The following ZNF451 variants were observed in gnomAD, a reference collection of about 807,000 sequenced individuals.
ZNF451 encodes zinc finger protein 451.
ZNF451 carries 80 observed loss-of-function variants against 107.1 expected under a neutral mutation model. That is an observed-to-expected ratio of 0.75 (90% CI 0.62 to 0.90). ZNF451 has a LOEUF of 0.90. Ranked by LOEUF, ZNF451 falls within the 40% of genes least tolerant of loss-of-function variation. The pLI is 0.00. For missense variants in ZNF451, 1,107 were observed against 1,236.2 expected, an observed-to-expected ratio of 0.90 and a Z score of 1.57; for synonymous variants, 362 against 406.5, an observed-to-expected ratio of 0.89 and a Z score of 1.32.
chr6:57,105,357 G>A, intron 3 of ZNF451: 1 of 984,076 alleles, frequency 1.0e-6, no homozygotes, highest in Non-Finnish European at 1.2e-6. Context: ...TGTGTATAGA[G>A]AAGTACTGTT....
In ZNF451 at chr6:57,142,072, C is replaced by G. The variant is rs138156483; in HGVS notation, c.981C>G (p.His327Gln). 1.2e-6 allele frequency: 2 copies of G among 1,613,130 alleles called. No individual in the cohort carries two copies. The highest frequency in any genetic ancestry group is 1.7e-6 in the Non-Finnish European group (2 of 1,179,196). ...CCTGCCACAAGACACTGCGTTCCCA[C>G]ATGGAGCTCACTGCCCATTTCAGGT... ...CVACHKTLRS[H>Q]MELTAHFRVH... Residue 327 changes from histidine (H) to glutamine (Q), a missense_variant, in exon 9 of 15, where the codon CAC (histidine) becomes CAG (glutamine). Coordinates refer to ENST00000370706, the MANE Select transcript of ZNF451 (RefSeq NM_001031623.3).
At position 57,152,170 on chromosome 6, in the gene ZNF451, G is replaced by T. The variant is rs566234613; in HGVS notation, c.2753-51G>T. The stretch of plus-strand genomic sequence containing the variant: ...GTGTTTTTTCTTGATAAAATTTTTG[G>T]CCTTTCCTCTCCTGTTTGATTATCA... On this transcript the variant is annotated intron_variant, in intron 11 of 14. Coordinates refer to ENST00000370706, the MANE Select transcript of ZNF451 (RefSeq NM_001031623.3). The T allele has an allele frequency of 3.9e-6, 6 of 1,537,202 alleles. No homozygotes were observed. The African/African-American group carries it at 5.6e-5, about 14-fold the overall frequency.
At chr6:57,161,892 A>C (rs1002523089) in intron 14 of ZNF451, among the ~76,000 whole-genome samples, 8 of 152,174 alleles carry the variant, frequency 5.3e-5, no homozygotes, top group African/African-American at 1.9e-4. Flanking sequence ...TACTCTTCTT[A>C]AAGGAAAAGC....
rs908999278 is a variant in ZNF451, at chr6:57,169,989, A to T, written c.*1520A>T. 2 of 151,748 alleles carry T rather than the reference A, an allele frequency of 1.3e-5. No individual in the cohort carries two copies. Among genetic ancestry groups the T allele is most frequent in the Admixed American group, 1.3e-4 (2 of 15,242 alleles). 9.4% of individuals were successfully genotyped at this position (151,748 alleles called of 1,614,324 possible). A position where few individuals can be genotyped will look rare whatever the true frequency, so the allele number is the denominator to read the frequency against. On this transcript the variant is annotated 3_prime_UTR_variant, in exon 15 of 15. Coordinates refer to ENST00000370706, the MANE Select transcript of ZNF451 (RefSeq NM_001031623.3). ...AGGAGACAGCACCTTGTTGCCAGAG[A>T]TTCTACACAAAGGTGTGATGGACAC...
intron 3 of ZNF451, chr6:57,102,150 T>G (rs772300700): frequency 1.3e-5 from 19 of 1,450,706 alleles, no homozygotes; most frequent in Middle Eastern, 4.1e-4. Context: ...CTATTTTACT[T>G]GTTCCTCCTT....
intron 3 of ZNF451, chr6:57,108,765 A>G: frequency 1.0e-6 from 1 of 985,452 alleles, no homozygotes; most frequent in Non-Finnish European, 1.2e-6. Flanking sequence ...AGAAGAAAGA[A>G]TCTACATTTG....
In ZNF451 at chr6:57,148,374, G is replaced by T; in HGVS notation, c.2289G>T (p.Gln763His). 1 of 1,613,906 alleles carries T rather than the reference G, an allele frequency of 6.2e-7. No individual in the cohort carries two copies. ...GCAGTTTATGTTCGGCAACAGCACA[G>T]AATTTAACCGACATGAACACTCATA... ...FRCSLCSATA[Q>H]NLTDMNTHIH... Residue 763 changes from glutamine to histidine, a missense_variant, in exon 10 of 15, where the codon CAG (glutamine) becomes CAT (histidine). By Grantham distance (24) the Gln-to-His change is conservative. Coordinates refer to ENST00000370706, the MANE Select transcript of ZNF451 (RefSeq NM_001031623.3).
chr6:57,118,403 T>C (rs1190062757), intron 3 of ZNF451, among the ~76,000 whole-genome samples: 1 of 152,222 alleles, frequency 6.6e-6, no homozygotes, highest in African/African-American at 2.4e-5. Flanking sequence ...CATCTTTAAA[T>C]TAAAGTTTAT....
At chr6:57,124,547 GAAAACC>G in intron 3 of ZNF451, 181 bp from the exon 4 acceptor site, 5 of 703,292 alleles carry the variant, frequency 7.1e-6, no homozygotes, top group Non-Finnish European at 1.3e-5. Flanking sequence ...CTAACTTCTT[GAAAACC>G]AAAGATGCTG....
At chr6:57,164,638 G>A (rs1417714251) in intron 14 of ZNF451, among the ~76,000 whole-genome samples, 7 of 152,180 alleles carry the variant, frequency 4.6e-5, no homozygotes, top group Non-Finnish European at 1.0e-4. Context: ...AACAACTTGT[G>A]AGAGTCAGAC....
At chr6:57,100,925 A>G in intron 3 of ZNF451, 1 of 1,550,908 alleles carries the variant, frequency 6.4e-7, no homozygotes. Flanking sequence ...TTACGTATAG[A>G]TTCTTCTTCA....
intron 3 of ZNF451, chr6:57,099,700 A>G (rs1219484950): frequency 3.8e-6 from 2 of 531,288 alleles, no homozygotes; most frequent in Non-Finnish European, 6.7e-6. Context: ...CCCTTGGACC[A>G]ATACTTCCCT....
intron 7 of ZNF451, among the ~76,000 whole-genome samples, chr6:57,138,704 CAT>C (rs60629541): frequency 0.12 from 4,999 of 43,332 alleles, 196 homozygotes; most frequent in Admixed American, 0.15. Flanking sequence ...GCAGCTATGC[CAT>C]ATATATATAT....
At chr6:57,124,665 T>A (rs998237219) in intron 3 of ZNF451, 69 bp from the exon 4 acceptor site, 68 of 1,151,516 alleles carry the variant, frequency 5.9e-5, no homozygotes, top group Non-Finnish European at 8.3e-5. Flanking sequence ...GTAGCTGTTT[T>A]ATGAATGGAT....
chr6:57,168,341 TAC>T (rs1763991801), intron 14 of ZNF451, 80 bp from the exon 15 acceptor site: 1 of 964,814 alleles, frequency 1.0e-6, no homozygotes, highest in South Asian at 1.5e-5. Context: ...TTGAAAAGAA[TAC>T]AGTCGATGAA....
At chr6:57,103,078 A>T in intron 3 of ZNF451, 1 of 985,454 alleles carries the variant, frequency 1.0e-6, no homozygotes, top group Non-Finnish European at 1.2e-6. Context: ...TACAAAAAAG[A>T]TACGCACATC....
chr6:57,163,459 T>TTTTTTTTTTTC, intron 14 of ZNF451, among the ~76,000 whole-genome samples: 1 of 100,308 alleles, frequency 1.0e-5, no homozygotes, highest in Non-Finnish European at 2.1e-5. Flanking sequence ...TTTTTTTTTT[T>TTTTTTTTTTTC]TTTTTTTTTG....
rs199810235 is a variant in ZNF451 at position 57,130,018 on chromosome 6, G to C, written c.424+1178G>C. 3.9e-5 allele frequency among the ~76,000 whole-genome samples: 6 copies of C among 152,016 alleles called. No homozygotes were observed. In the East Asian group the frequency reaches 1.2e-3, roughly 29 times the overall value. ...CACTAATACAGTATTTATTATGTTCGATTGATCCGTTTATATGTCTGTCTC... is the reference window on the plus strand; with the variant it reads ...CACTAATACAGTATTTATTATGTTCCATTGATCCGTTTATATGTCTGTCTC... On this transcript the variant is annotated intron_variant, in intron 5 of 14. Transcript: ENST00000370706.
At chr6:57,156,908 C>T (rs1159817749) in intron 13 of ZNF451, among the ~76,000 whole-genome samples, 2 of 152,160 alleles carry the variant, frequency 1.3e-5, no homozygotes, top group African/African-American at 4.8e-5. Context: ...CTATGAGAAT[C>T]TAATGCCGCT....
Sources: allele counts gnomAD v4.1 joint callset (sites outside exome capture counted in the v4.1 genomes callset), GRCh38; gene constraint gnomAD v4.1.1; transcripts MANE v1.5; gene names NCBI Gene and HGNC (gene_info 2026-07-23, HGNC 2026-07-21).